Variants in AFF2 observed in about 807,000 individuals in gnomAD.
The protein encoded by AFF2 is ALF transcription elongation factor 2.
Under a neutral mutation model 76.9 loss-of-function variants are expected in AFF2, and 14 were observed. The observed-to-expected ratio is 0.18, with a 90% CI of 0.12 to 0.28. AFF2 has a LOEUF of 0.28. AFF2 is among the 10% of genes least tolerant of loss of function. The pLI, the probability that AFF2 is intolerant of heterozygous loss-of-function variation, is 1.00. For missense variants in AFF2, 868 were observed against 1,001.1 expected (o/e 0.87, Z 1.79); for synonymous variants, 398 against 366.7 (o/e 1.09, Z -0.98).
At chrX:148,549,224 G>A (rs1213760120) in intron 1 of AFF2, among the ~76,000 whole-genome samples, 3 of 112,133 alleles carry the variant, frequency 2.7e-5, no homozygotes, top group Non-Finnish European at 5.6e-5. Flanking sequence ...CTGAAAAAGC[G>A]AATGAGCCTT....
At chrX:148,846,135 C>T (rs1171043128) in intron 7 of AFF2, among the ~76,000 whole-genome samples, 1 of 111,868 alleles carries the variant, frequency 8.9e-6, no homozygotes, top group African/African-American at 3.3e-5. Flanking sequence ...ATATGACTGG[C>T]TTTTTGGAAA....
intron 3 of AFF2, among the ~76,000 whole-genome samples, chrX:148,724,239 T>C (rs1233526114): frequency 9.0e-6 from 1 of 110,909 alleles, no homozygotes; most frequent in Non-Finnish European, 1.9e-5. Context: ...GCTGTGCCTC[T>C]CTCCTATGGC....
chrX:148,734,875 C>T (rs1557264967), intron 3 of AFF2, among the ~76,000 whole-genome samples: 1 of 111,773 alleles, frequency 8.9e-6, no homozygotes, highest in Non-Finnish European at 1.9e-5. Context: ...ACTGAAAGAT[C>T]ATCTAGCATG....
intron 9 of AFF2, among the ~76,000 whole-genome samples, chrX:148,910,371 G>C (rs1186227978): frequency 8.9e-6 from 1 of 112,526 alleles, no homozygotes; most frequent in Non-Finnish European, 1.9e-5. Context: ...GATAGGTGCT[G>C]AGGAAATTAA....
chrX:148,880,317 A>G (rs552700061), intron 7 of AFF2, among the ~76,000 whole-genome samples: 4 of 111,746 alleles, frequency 3.6e-5, no homozygotes, highest in South Asian at 3.8e-4. Flanking sequence ...CTTCCTTATC[A>G]CCTGCCTTCC....
chrX:148,904,497 T>C (rs2071387693), intron 9 of AFF2: 1 of 331,156 alleles, frequency 3.0e-6, no homozygotes, highest in Admixed American at 5.8e-5. Flanking sequence ...AATTAATATG[T>C]GCAATCCATG....
intron 5 of AFF2, among the ~76,000 whole-genome samples, chrX:148,842,026 CTG>C (rs1203655923): frequency 2.9e-4 from 33 of 112,298 alleles, no homozygotes; most frequent in African/African-American, 1.0e-3. Context: ...AAAGATAATG[CTG>C]TGAGCCTAGT....
intron 3 of AFF2, among the ~76,000 whole-genome samples, chrX:148,769,774 CT>C (rs1557267986): frequency 1.8e-5 from 2 of 111,389 alleles, no homozygotes; most frequent in African/African-American, 6.5e-5. Flanking sequence ...CAGACCCCTT[CT>C]CCTTAACTTG....
intron 3 of AFF2, among the ~76,000 whole-genome samples, chrX:148,735,798 C>G (rs2055278393): frequency 9.0e-6 from 1 of 111,011 alleles, no homozygotes; most frequent in Non-Finnish European, 1.9e-5. Context: ...TCCCCAAAGT[C>G]CATTGTATCA....
chrX:148,907,770 T>A (rs1220285491), intron 9 of AFF2, among the ~76,000 whole-genome samples: 3 of 111,342 alleles, frequency 2.7e-5, no homozygotes, highest in Non-Finnish European at 3.8e-5. Context: ...ATTGATAACA[T>A]CTTATCAGGA....
intron 9 of AFF2, among the ~76,000 whole-genome samples, chrX:148,920,490 T>C: frequency 8.9e-6 from 1 of 111,960 alleles, no homozygotes; most frequent in Middle Eastern, 4.6e-3. Flanking sequence ...GGTTCTCTCT[T>C]CCTTCAGCCA....
intron 1 of AFF2, among the ~76,000 whole-genome samples, chrX:148,526,366 GT>G (rs34179499): frequency 0.17 from 10,470 of 62,519 alleles, 526 homozygotes; most frequent in African/African-American, 0.26. Context: ...ATACAATCTT[GT>G]TTTTTTTTTT....
In AFF2 at chrX:148,677,552, A is replaced by G. The variant is rs182475097; in HGVS notation, c.1041+14784A>G. On this transcript the variant is annotated intron_variant, in intron 3 of 20. Coordinates refer to ENST00000370460, the MANE Select transcript of AFF2 (RefSeq NM_002025.4). Reference sequence around the variant, plus strand: ...GAAATCATAGAAGTGATAAGTTTCTATTAGTAATGCAGTATATTAAATATT... The same window carrying G: ...GAAATCATAGAAGTGATAAGTTTCTGTTAGTAATGCAGTATATTAAATATT... 4.2e-3 allele frequency among the ~76,000 whole-genome samples: 469 copies of G among 112,548 alleles called. 4 individuals carry two copies. The highest frequency in any genetic ancestry group is 0.014 in the African/African-American group (446 of 31,063).
At chrX:148,645,534 C>G (rs193014602) in intron 1 of AFF2, among the ~76,000 whole-genome samples, 37 of 111,864 alleles carry the variant, frequency 3.3e-4, no homozygotes, top group African/African-American at 1.0e-3. Context: ...GTTTCTTTGA[C>G]TGGCATCAGG....
intron 1 of AFF2, among the ~76,000 whole-genome samples, chrX:148,635,674 A>G (rs2054023830): frequency 9.0e-6 from 1 of 111,515 alleles, no homozygotes; most frequent in Non-Finnish European, 1.9e-5. Context: ...TGCAGCCTGG[A>G]TGAAAGGTGC....
rs782267479 is a variant in AFF2 at position 148,907,715 on chromosome X, G to A, written c.1397+3457G>A. ...GGCGAGATCACAGGACCACAGGACC[G>A]GGGCAAAATTAAAATTGCTAATGAA... On this transcript the variant is annotated intron_variant, in intron 9 of 20. Transcript: ENST00000370460. 1.7e-3 allele frequency among the ~76,000 whole-genome samples: 192 copies of A among 111,629 alleles called. 3 individuals are homozygous for A. Among genetic ancestry groups the A allele is most frequent in the Non-Finnish European group, 2.7e-3 (144 of 53,113 alleles).
Position 148,743,196 on chromosome X carries a change from G to A in AFF2, c.1042-66680G>A, listed in dbSNP as rs561027739. Among the ~76,000 whole-genome samples the A allele has an allele frequency of 8.0e-5, 9 of 111,962 alleles. No homozygotes were observed. The South Asian group carries it at 3.3e-3, about 41-fold the overall frequency. ...CTCATGGACCAGAGATAAACAAATGGTATTACATTATAATGCTCTAATACA... is the reference window on the plus strand; with the variant it reads ...CTCATGGACCAGAGATAAACAAATGATATTACATTATAATGCTCTAATACA... On this transcript the variant is annotated intron_variant, in intron 3 of 20. Coordinates refer to ENST00000370460, the MANE Select transcript of AFF2 (RefSeq NM_002025.4).
intron 3 of AFF2, among the ~76,000 whole-genome samples, chrX:148,758,183 T>C (rs1253054720): frequency 8.9e-6 from 1 of 112,533 alleles, no homozygotes; most frequent in Non-Finnish European, 1.9e-5. Context: ...AGAAGCAGAG[T>C]ATGAAGCTCT....
At chrX:148,883,495 A>AG (rs1420413778) in intron 7 of AFF2, among the ~76,000 whole-genome samples, 1 of 111,571 alleles carries the variant, frequency 9.0e-6, no homozygotes, top group Non-Finnish European at 1.9e-5. Context: ...TGAACAGATG[A>AG]GGGACACAGA....
Sources: gnomAD v4.1 joint callset for allele counts (sites outside exome capture counted in the v4.1 genomes callset) on GRCh38, gnomAD v4.1.1 for gene constraint, MANE v1.5 for transcripts, NCBI Gene and HGNC (gene_info 2026-07-23, HGNC 2026-07-21) for gene names.